The following TUT4 variants were observed in gnomAD, a reference collection of about 807,000 sequenced individuals.
TUT4 encodes the protein terminal uridylyltransferase 4.
In TUT4, 36 loss-of-function variants were observed where a neutral mutation model predicts 192.2. The ratio of observed to expected loss-of-function variants is 0.19; its 90% CI spans 0.14 to 0.25. The LOEUF is 0.25. Ranked by LOEUF, TUT4 falls within the 10% of genes least tolerant of loss-of-function variation. The probability of loss-of-function intolerance (pLI) is 1.00; values close to 1 mark genes in which losing one functional copy is unlikely to be tolerated. For synonymous variants in TUT4, 618 were observed against 666.0 expected (o/e 0.93, Z 1.11); for missense variants, 1,493 against 1,957.2 (o/e 0.76, Z 4.47).
chr1:52,493,695 A>G, intron 6 of TUT4, 33 bp from the exon 7 acceptor site: 1 of 1,357,038 alleles, frequency 7.4e-7, no homozygotes, highest in Non-Finnish European at 1.0e-6. Context: ...TCGATATACT[A>G]ATTTCAAAGT....
chr1:52,478,149 T>C (rs970243306), intron 11 of TUT4, among the ~76,000 whole-genome samples: 22 of 152,050 alleles, frequency 1.4e-4, no homozygotes, highest in African/African-American at 4.8e-4. Flanking sequence ...AATACACCAA[T>C]ACCTGAATTC....
chr1:52,480,656 G>T (rs889479300), intron 11 of TUT4, among the ~76,000 whole-genome samples: 1 of 152,106 alleles, frequency 6.6e-6, no homozygotes, highest in African/African-American at 2.4e-5. Flanking sequence ...ATTTATGAGG[G>T]AATAATTGCT....
In TUT4 at chr1:52,497,019, C is replaced by T. The variant is rs1308980989; in HGVS notation, c.1164G>A (p.Thr388=). 6.2e-6 allele frequency: 10 copies of T among 1,611,702 alleles called. No homozygotes were observed. Among genetic ancestry groups the T allele is most frequent in the Non-Finnish European group, 8.5e-6 (10 of 1,179,388 alleles). Residue 388 remains threonine (T), a synonymous_variant, in exon 5 of 30, where the codon ACG becomes ACA. Transcript: ENST00000257177. The stretch of plus-strand genomic sequence containing the variant: ...ATGTATTTCTACCTGGTAAAAATGT[C>T]GTTATAACCTTTGACATTTCCTCCA... ...EIVEEMSKVI[T]TFLPECSLRL... is the part of the protein sequence containing the mutation.
rs553302582 is a variant in TUT4, at chr1:52,547,043, C to T, written c.-94+5888G>A. 7.1e-4 allele frequency among the ~76,000 whole-genome samples: 108 copies of T among 151,448 alleles called. 1 individual carries two copies. The South Asian group carries it at 0.021, about 30-fold the overall frequency. ...CCTGTAGTCCTAGCTACTCAAGAGG[C>T]TAAGGCAGGAGGATCGCTTGAGGCC... is the stretch of plus-strand genomic sequence containing the variant. On this transcript the variant is annotated intron_variant, in intron 1 of 29. Coordinates refer to ENST00000257177, the MANE Select transcript of TUT4 (RefSeq NM_001009881.3).
chr1:52,523,773 T>TTA (rs71692017), intron 2 of TUT4, among the ~76,000 whole-genome samples: 53,364 of 151,956 alleles, frequency 0.35, 12,989 homozygotes, highest in African/African-American at 0.7. Context: ...TAATATACAA[T>TTA]TGAGACTGAG....
At chr1:52,551,541 C>G (rs1432560787) in intron 1 of TUT4, among the ~76,000 whole-genome samples, 1 of 152,230 alleles carries the variant, frequency 6.6e-6, no homozygotes, top group Non-Finnish European at 1.5e-5. Flanking sequence ...ACATAGCACA[C>G]TAGACACTAA....
rs765111912 is a variant in TUT4, at chr1:52,525,683, C to T, written c.598G>A (p.Gly200Arg). The T allele has an allele frequency of 6.2e-7, 1 of 1,614,128 alleles. No homozygotes were observed. Among genetic ancestry groups the T allele is most frequent in the Non-Finnish European group, 8.5e-7 (1 of 1,180,016 alleles). The change falls in exon 2 of 30, where the codon GGG becomes AGG. Residue 200 changes from glycine to arginine, a missense_variant. This residue lies in a region of TUT4 where 260 missense variants were observed against 247.8 expected (regional missense o/e 1.05). Coordinates refer to ENST00000257177, the MANE Select transcript of TUT4 (RefSeq NM_001009881.3). ...SVDKVNIEAV[G>R]GEKCALQNSP... is the part of the protein sequence containing the mutation. Reference sequence around the variant, plus strand: ...TTTTGCAGAGCACATTTTTCTCCCCCTACAGCTTCAATATTCACTTTGTCC... The same window carrying T: ...TTTTGCAGAGCACATTTTTCTCCCCTTACAGCTTCAATATTCACTTTGTCC...
chr1:52,511,338 C>T (rs554312640), intron 3 of TUT4, among the ~76,000 whole-genome samples: 1 of 152,280 alleles, frequency 6.6e-6, no homozygotes, highest in East Asian at 1.9e-4. Context: ...AAAGAAAACG[C>T]TACCTCTTAG....
At chr1:52,428,301 C>T (rs1209963830) in intron 28 of TUT4, among the ~76,000 whole-genome samples, 1 of 151,824 alleles carries the variant, frequency 6.6e-6, no homozygotes, top group Non-Finnish European at 1.5e-5. Context: ...TCCTGGCCAA[C>T]ATGGTGAATG....
chr1:52,464,287 A>AGC, intron 16 of TUT4, among the ~76,000 whole-genome samples: 1 of 151,652 alleles, frequency 6.6e-6, no homozygotes, highest in African/African-American at 2.4e-5. Flanking sequence ...ACGGAGTCTC[A>AGC]CTCTGTCACC....
chr1:52,517,997 T>C (rs754448761), intron 2 of TUT4, among the ~76,000 whole-genome samples: 36 of 152,344 alleles, frequency 2.4e-4, no homozygotes, highest in South Asian at 6.2e-4. Context: ...TATATGAAAT[T>C]ATTTAATTTT....
At chr1:52,476,463 G>GA (rs1329194311) in intron 12 of TUT4, among the ~76,000 whole-genome samples, 1 of 151,914 alleles carries the variant, frequency 6.6e-6, no homozygotes, top group African/African-American at 2.4e-5. Context: ...TAACCCCCAG[G>GA]AAAAAAGAAC....
intron 12 of TUT4, 137 bp from the exon 13 acceptor site, chr1:52,475,672 G>A (rs980854056): frequency 6.7e-6 from 5 of 744,950 alleles, no homozygotes; most frequent in African/African-American, 3.5e-5. Context: ...TAGACTCCCA[G>A]TGAAAGTTCC....
intron 1 of TUT4, among the ~76,000 whole-genome samples, chr1:52,546,696 T>C (rs1052000356): frequency 1.3e-5 from 2 of 151,866 alleles, no homozygotes; most frequent in African/African-American, 4.8e-5. Flanking sequence ...GTGTTATGTA[T>C]ATTTTACTGC....
At chr1:52,454,653 T>C (rs1224700223) in intron 20 of TUT4, among the ~76,000 whole-genome samples, 1 of 152,054 alleles carries the variant, frequency 6.6e-6, no homozygotes, top group African/African-American at 2.4e-5. Flanking sequence ...TGACCTTGAG[T>C]ATAGTGATAT....
At chr1:52,535,993 A>G (rs996577799) in intron 1 of TUT4, among the ~76,000 whole-genome samples, 1 of 152,258 alleles carries the variant, frequency 6.6e-6, no homozygotes, top group Non-Finnish European at 1.5e-5. Context: ...ACAAGTGCTA[A>G]AAGAAATTCT....
intron 28 of TUT4, among the ~76,000 whole-genome samples, chr1:52,430,024 C>A (rs1386187407): frequency 1.3e-5 from 2 of 151,082 alleles, no homozygotes; most frequent in African/African-American, 4.9e-5. Flanking sequence ...CTTAAATATG[C>A]AGTTTTTTTT....
intron 20 of TUT4, among the ~76,000 whole-genome samples, chr1:52,447,848 A>G (rs955912404): frequency 6.6e-6 from 1 of 152,244 alleles, no homozygotes; most frequent in Non-Finnish European, 1.5e-5. Flanking sequence ...TAGTTTATAA[A>G]TGGAGAAAAC....
At chr1:52,492,042 TG>T (rs1428419033) in intron 7 of TUT4, among the ~76,000 whole-genome samples, 1 of 152,190 alleles carries the variant, frequency 6.6e-6, no homozygotes, top group Non-Finnish European at 1.5e-5. Context: ...ATATCTTGGA[TG>T]GAAAAGGCAT....
Sources: allele counts gnomAD v4.1 joint callset (sites outside exome capture counted in the v4.1 genomes callset), GRCh38; gene constraint gnomAD v4.1.1; regional missense constraint gnomAD v4.1.1; transcripts MANE v1.5; gene names NCBI Gene and HGNC (gene_info 2026-07-23, HGNC 2026-07-21).